Variants in RARS2 observed in about 807,000 individuals in gnomAD.
RARS2 encodes the protein arginyl-tRNA synthetase 2, mitochondrial, also known as probable arginine--tRNA ligase, mitochondrial.
Under a neutral mutation model 88.5 loss-of-function variants are expected in RARS2, and 67 were observed. The ratio of observed to expected loss-of-function variants is 0.76; its 90% CI spans 0.62 to 0.93. The LOEUF (loss-of-function observed/expected upper bound fraction) is 0.93, where lower values mean the gene tolerates loss of function less well. Among genes scored for constraint, RARS2 ranks in the 40% least tolerant of loss-of-function variants. The pLI, the probability that RARS2 is intolerant of heterozygous loss-of-function variation, is 0.00. For missense variants in RARS2, 664 were observed against 684.2 expected, an observed-to-expected ratio of 0.97 and a Z score of 0.33; for synonymous variants, 239 against 230.3, an observed-to-expected ratio of 1.04 and a Z score of -0.34.
chr6:87,518,862 T>C lies in RARS2; in HGVS notation c.1267A>G (p.Thr423Ala). The change falls in exon 15 of 20, where the codon ACT (threonine) becomes GCT (alanine). Residue 423 changes from threonine to alanine, a missense_variant. Thr to Ala is a moderately conservative substitution (Grantham distance 58, BLOSUM62 0). Coordinates refer to ENST00000369536, the MANE Select transcript of RARS2 (RefSeq NM_020320.5). ...TTKELKNPQE[T>A]AERVGLAALI... Reference sequence around the variant, plus strand: ...GCTGCGAGCCCGACCCTCTCTGCAGTCTCTTGTGGGTTCTTGAGTTCTTTA... The same window carrying C: ...GCTGCGAGCCCGACCCTCTCTGCAGCCTCTTGTGGGTTCTTGAGTTCTTTA... The C allele has an allele frequency of 6.2e-7, 1 of 1,614,000 alleles. No homozygotes were observed. Among genetic ancestry groups the C allele is most frequent in the Non-Finnish European group, 8.5e-7 (1 of 1,179,976 alleles).
chr6:87,549,803 G>A (rs1305766037), intron 5 of RARS2, among the ~76,000 whole-genome samples: 1 of 152,134 alleles, frequency 6.6e-6, no homozygotes, highest in Non-Finnish European at 1.5e-5. Flanking sequence ...TTACAGATGA[G>A]GGAACTGGGA....
At position 87,529,928 on chromosome 6, in the gene RARS2, A is replaced by G. The variant is rs775468326; in HGVS notation, c.772-280T>C. On this transcript the variant is annotated intron_variant, in intron 9 of 19. Coordinates refer to ENST00000369536, the MANE Select transcript of RARS2 (RefSeq NM_020320.5). ...AAAAAAAAAAATCACTCCTCTTCTC[A>G]AACCTCCTAATAGTTTCCACTATAC... Among the ~76,000 whole-genome samples the G allele has an allele frequency of 3.3e-5, 5 of 152,114 alleles. No homozygotes were observed. In the South Asian group the frequency reaches 1.0e-3, roughly 32 times the overall value.
intron 8 of RARS2, among the ~76,000 whole-genome samples, chr6:87,539,842 C>T (rs1324757507): frequency 6.6e-6 from 1 of 152,128 alleles, no homozygotes; most frequent in African/African-American, 2.4e-5. Context: ...AACAAGCATG[C>T]TATTTCTAAA....
intron 4 of RARS2, among the ~76,000 whole-genome samples, chr6:87,561,833 C>A (rs1352487856): frequency 6.6e-6 from 1 of 152,164 alleles, no homozygotes; most frequent in Non-Finnish European, 1.5e-5. Context: ...GACTTCAAAG[C>A]CCTGACTCTT....
chr6:87,589,595 G>A (rs1776357512), intron 1 of RARS2: 5 of 884,776 alleles, frequency 5.7e-6, no homozygotes, highest in Non-Finnish European at 6.8e-6. Context: ...AAAGTGTAAA[G>A]AACACTAACT....
At chr6:87,579,731 T>C (rs1216850062) in intron 1 of RARS2, among the ~76,000 whole-genome samples, 5 of 129,742 alleles carry the variant, frequency 3.9e-5, no homozygotes, top group Non-Finnish European at 8.2e-5. Context: ...TTTTTTTTTT[T>C]TTTTTTTTTT....
intron 5 of RARS2, among the ~76,000 whole-genome samples, chr6:87,549,064 T>C (rs992798726): frequency 2.6e-5 from 4 of 151,868 alleles, no homozygotes; most frequent in Non-Finnish European, 5.9e-5. Flanking sequence ...AAATTTTTTT[T>C]AGTCAGGTGG....
chr6:87,575,473 G>T (rs1441852186), intron 1 of RARS2, among the ~76,000 whole-genome samples: 1 of 152,128 alleles, frequency 6.6e-6, no homozygotes, highest in Non-Finnish European at 1.5e-5. Context: ...CATACATAGT[G>T]TCTACCAGAA....
chr6:87,517,710 G>A (rs1398965005), intron 17 of RARS2, among the ~76,000 whole-genome samples: 3 of 152,142 alleles, frequency 2.0e-5, no homozygotes, highest in South Asian at 4.2e-4. Context: ...AAATGTGTGG[G>A]TGTCTTGCCT....
chr6:87,579,715 GTTTTTTTT>G (rs35014020), intron 1 of RARS2, among the ~76,000 whole-genome samples: 4 of 60,456 alleles, frequency 6.6e-5, no homozygotes, highest in African/African-American at 1.6e-4. Flanking sequence ...CATAGAGCAT[GTTTTTTTT>G]TTTTTTTTTT....
chr6:87,579,593 T>G (rs1168913756), intron 1 of RARS2, among the ~76,000 whole-genome samples: 2 of 150,894 alleles, frequency 1.3e-5, no homozygotes, highest in East Asian at 3.9e-4. Context: ...ATTTTAACAA[T>G]GCCCAAAGTA....
chr6:87,564,428 G>A, intron 2 of RARS2, 196 bp from the exon 3 acceptor site: 1 of 561,880 alleles, frequency 1.8e-6, no homozygotes, highest in African/African-American at 1.9e-5. Context: ...GGGAGGCTAA[G>A]GCAGGCGGAT....
rs1773370637 is a variant in RARS2 at position 87,520,170 on chromosome 6, C to T, written c.1112+10G>A. On this transcript the variant is annotated intron_variant, in intron 13 of 19. Transcript: ENST00000369536. ...CCTGCACAGACAATTAAGAACCATG[C>T]AGACATTACCTTTCTGCCCAGTCAT... The T allele has an allele frequency of 6.2e-7, 1 of 1,609,370 alleles. No homozygotes were observed. The highest frequency in any genetic ancestry group is 1.3e-5 in the African/African-American group (1 of 74,922).
intron 17 of RARS2, among the ~76,000 whole-genome samples, chr6:87,517,151 G>A (rs560224760): frequency 1.1e-4 from 16 of 151,974 alleles, no homozygotes; most frequent in Non-Finnish European, 5.9e-5. Context: ...GGTGGCACGC[G>A]CCTATAGTCC....
intron 1 of RARS2, among the ~76,000 whole-genome samples, chr6:87,586,527 G>A (rs1411305692): frequency 6.6e-6 from 1 of 152,172 alleles, no homozygotes; most frequent in Admixed American, 6.5e-5. Flanking sequence ...TTCTAATACA[G>A]TGATTACAGG....
intron 1 of RARS2, among the ~76,000 whole-genome samples, chr6:87,574,610 A>G (rs1191021684): frequency 6.6e-6 from 1 of 152,214 alleles, no homozygotes; most frequent in African/African-American, 2.4e-5. Context: ...AGACCAGAAG[A>G]TAGACAGCTG....
chr6:87,584,764 G>A (rs1221354279), intron 1 of RARS2: 1 of 455,792 alleles, frequency 2.2e-6, no homozygotes, highest in Middle Eastern at 3.3e-4. Flanking sequence ...CATATCTCAG[G>A]AAGCTAAGAG....
intron 8 of RARS2, among the ~76,000 whole-genome samples, chr6:87,538,112 G>C (rs548213022): frequency 6.6e-6 from 1 of 152,294 alleles, no homozygotes; most frequent in Admixed American, 6.5e-5. Flanking sequence ...TGAAAACAGA[G>C]TCTATAAAAT....
intron 4 of RARS2, among the ~76,000 whole-genome samples, chr6:87,555,985 T>G (rs79824108): frequency 0.075 from 11,346 of 152,272 alleles, 615 homozygotes; most frequent in African/African-American, 0.15. Context: ...AGAAAAGTAC[T>G]GAGGGATTAA....
Sources: gnomAD v4.1 joint callset for allele counts (sites outside exome capture counted in the v4.1 genomes callset) on GRCh38, gnomAD v4.1.1 for gene constraint, MANE v1.5 for transcripts, NCBI Gene and HGNC (gene_info 2026-07-23, HGNC 2026-07-21) for gene names.